AKAP1: variants seen among roughly 807,000 people sequenced by gnomAD.
AKAP1 encodes A-kinase anchor protein 1, mitochondrial.
AKAP1 carries 32 observed loss-of-function variants against 79.8 expected under a neutral mutation model. The observed-to-expected ratio is 0.40, with a 90% CI of 0.30 to 0.54. The LOEUF (loss-of-function observed/expected upper bound fraction) is 0.54. Among genes scored for constraint, AKAP1 ranks in the 20% least tolerant of loss-of-function variants. The probability of loss-of-function intolerance (pLI) is 0.47; values close to 1 mark genes in which losing one functional copy is unlikely to be tolerated. For synonymous variants in AKAP1, 416 were observed against 466.7 expected (o/e 0.89, Z 1.40); for missense variants, 961 against 1,138.9 (o/e 0.84, Z 2.25).
At chr17:57,118,314 G>A in intron 8 of AKAP1, 67 bp from the exon 9 acceptor site, 1 of 1,456,716 alleles carries the variant, frequency 6.9e-7, no homozygotes, top group Admixed American at 1.7e-5. Flanking sequence ...CCTGAAACTT[G>A]TGTACATGAC....
chr17:57,117,027 CA>C, intron 8 of AKAP1, 100 bp downstream of exon 8: 1 of 1,234,890 alleles, frequency 8.1e-7, no homozygotes, highest in Non-Finnish European at 1.2e-6. Context: ...TTTATGCTAA[CA>C]TAAGTTGCTA....
rs748672089 is a variant in AKAP1, at chr17:57,105,621, G to A, written c.157G>A (p.Ala53Thr). The change falls in exon 2 of 11, where the codon GCC (alanine) becomes ACC (threonine). Residue 53 changes from alanine (A) to threonine (T), a missense_variant. This residue lies in a region of AKAP1 where 108 missense variants were observed against 147.6 expected (regional missense o/e 0.73). Transcript: ENST00000337714. ...AGAVQLRADP[A>T]IKEPLPVEDV... ...TGCTGTGCAGCTGAGGGCTGACCCTGCCATCAAGGAACCTCTCCCCGTGGA... is the reference window on the plus strand; with the variant it reads ...TGCTGTGCAGCTGAGGGCTGACCCTACCATCAAGGAACCTCTCCCCGTGGA... The A allele has an allele frequency of 2.5e-6, 4 of 1,613,998 alleles. No homozygotes were observed. The highest frequency in any genetic ancestry group is 3.4e-6 in the Non-Finnish European group (4 of 1,180,022).
intron 1 of AKAP1, among the ~76,000 whole-genome samples, chr17:57,101,953 G>A (rs185482550): frequency 2.6e-5 from 4 of 152,080 alleles, no homozygotes; most frequent in Admixed American, 6.6e-5. Flanking sequence ...TTTCCATGTC[G>A]GCACATGAGA....
chr17:57,115,612 C>CTA (rs1451650023), intron 6 of AKAP1, among the ~76,000 whole-genome samples: 2 of 152,176 alleles, frequency 1.3e-5, no homozygotes, highest in Non-Finnish European at 2.9e-5. Context: ...GAGGCAAAGG[C>CTA]TAGAAGAAGG....
intron 1 of AKAP1, chr17:57,094,486 C>A (rs1284295793): frequency 6.6e-6 from 1 of 152,084 alleles, no homozygotes; most frequent in African/African-American, 2.4e-5. Context: ...GACAACTAGG[C>A]CTGTGGAGCC....
Position 57,086,270 on chromosome 17 carries a change from T to C in AKAP1, c.-25+872T>C, listed in dbSNP as rs1386065466. Reference sequence around the variant, plus strand: ...GGAGGGACCGCGCCAGTTTTGGGGTTACGATGTGCTAGGAGAGGCAGTGGC... The same window carrying C: ...GGAGGGACCGCGCCAGTTTTGGGGTCACGATGTGCTAGGAGAGGCAGTGGC... On this transcript the variant is annotated intron_variant, in intron 1 of 10. Transcript: ENST00000337714. This position sits in a 1 kb window ranked among gnomAD's most constrained non-coding sequence, Gnocchi z 5.1. 7 of 357,138 alleles carry C rather than the reference T, an allele frequency of 2.0e-5. No individual in the cohort carries two copies. The highest frequency in any genetic ancestry group is 3.9e-5 in the Non-Finnish European group (7 of 180,052). 22.1% of individuals were successfully genotyped at this position (357,138 alleles called of 1,614,324 possible).
chr17:57,120,312 C>A lies in AKAP1; in HGVS notation c.2700C>A (p.Tyr900Ter). ...TTGCCCAGTGGGTAGACAGCTACTA[C>A]ACAAGCCTTTGACCCCCATGCTGCT... ...RGLAQWVDSYYTSL is the reference protein window; with the variant it reads ...RGLAQWVDSY Residue 900 changes from tyrosine (Y) to a stop codon, truncating the protein, a stop_gained, in exon 11 of 11, where the codon TAC becomes TAA. Coordinates refer to ENST00000337714, the MANE Select transcript of AKAP1 (RefSeq NM_003488.4). LOFTEE classifies it high-confidence loss of function. 1.2e-6 allele frequency: 2 copies of A among 1,613,838 alleles called. No individual in the cohort carries two copies. The highest frequency in any genetic ancestry group is 1.7e-6 in the Non-Finnish European group (2 of 1,179,912).
chr17:57,106,458 G>T lies in AKAP1; in HGVS notation c.994G>T (p.Asp332Tyr), dbSNP rs772958156. The T allele has an allele frequency of 1.9e-6, 3 of 1,608,808 alleles. No homozygotes were observed. Among genetic ancestry groups the T allele is most frequent in the Non-Finnish European group, 2.6e-6 (3 of 1,175,786 alleles). Reference sequence around the variant, plus strand: ...CTTGGATAGAAATGAGGAGAGCTTGGATAGAAATGAGGAGGGCTTGGATAG... The same window carrying T: ...CTTGGATAGAAATGAGGAGAGCTTGTATAGAAATGAGGAGGGCTTGGATAG... ...EGLDRNEESL[D>Y]RNEEGLDRNE... The change falls in exon 2 of 11, where the codon GAT becomes TAT. Residue 332 changes from aspartate to tyrosine, a missense_variant. Asp to Tyr is a radical substitution (Grantham distance 160). This residue lies in a region of AKAP1 where 629 missense variants were observed against 781.1 expected (regional missense o/e 0.81). Coordinates refer to ENST00000337714, the MANE Select transcript of AKAP1 (RefSeq NM_003488.4).
intron 1 of AKAP1, among the ~76,000 whole-genome samples, chr17:57,098,105 G>A (rs949247631): frequency 3.3e-5 from 5 of 152,322 alleles, no homozygotes; most frequent in Admixed American, 2.6e-4. Context: ...GTACCTCCCT[G>A]GAGAAAGAAG....
Position 57,106,746 on chromosome 17 carries a change from G to T in AKAP1, c.1282G>T (p.Gly428Cys). ...GLPLPGLPAEGSPPPKTYVSC... is the reference protein window; with the variant it reads ...GLPLPGLPAECSPPPKTYVSC... ...CCCCTTGCCAGGCCTACCAGCAGAG[G>T]GCTCACCACCACCAAAGACCTACGT... Residue 428 changes from glycine (G) to cysteine (C), a missense_variant, in exon 2 of 11, where the codon GGC (glycine) becomes TGC (cysteine). Around this residue, in one of 3 missense-constraint regions of AKAP1, gnomAD observed 629 missense variants for 781.1 expected, o/e 0.81. Transcript: ENST00000337714. 6.2e-7 allele frequency: 1 copy of T among 1,613,896 alleles called. No individual in the cohort carries two copies. The highest frequency in any genetic ancestry group is 8.5e-7 in the Non-Finnish European group (1 of 1,180,032).
chr17:57,112,931 A>G (rs1030151014), intron 5 of AKAP1, among the ~76,000 whole-genome samples: 1 of 151,974 alleles, frequency 6.6e-6, no homozygotes, highest in African/African-American at 2.4e-5. Flanking sequence ...TAGTTCGGAC[A>G]GGAGATTGGG....
In AKAP1 at chr17:57,118,936, G is replaced by T. The variant is rs779035799; in HGVS notation, c.2575-46G>T. On this transcript the variant is annotated intron_variant, in intron 9 of 10. Coordinates refer to ENST00000337714, the MANE Select transcript of AKAP1 (RefSeq NM_003488.4). ...ACAATTCAAGATGATATTTGAGTGGGGACACAAAACCTAACCATATTATTC... is the reference window on the plus strand; with the variant it reads ...ACAATTCAAGATGATATTTGAGTGGTGACACAAAACCTAACCATATTATTC... 3 of 1,581,680 alleles carry T rather than the reference G, an allele frequency of 1.9e-6. No individual in the cohort carries two copies. In the Admixed American group the frequency reaches 5.0e-5, roughly 26 times the overall value.
At position 57,106,608 on chromosome 17, in the gene AKAP1, C is replaced by A; in HGVS notation, c.1144C>A (p.Gln382Lys). Residue 382 changes from glutamine (Q) to lysine (K), a missense_variant, in exon 2 of 11, where the codon CAA (glutamine) becomes AAA (lysine). By Grantham distance (53) the Gln-to-Lys change is moderately conservative. Transcript: ENST00000337714. ...AGRVCQASQL[Q>K]GQKEESCVPV... ...TCGTGTGTGTCAGGCCAGTCAGCTC[C>A]AAGGGCAGAAGGAAGAGAGCTGTGT... The A allele has an allele frequency of 6.2e-7, 1 of 1,614,202 alleles. No homozygotes were observed. Among genetic ancestry groups the A allele is most frequent in the South Asian group, 1.1e-5 (1 of 91,084 alleles).
rs539689754 is a variant in AKAP1 at position 57,086,124 on chromosome 17, C to T, written c.-25+726C>T. 19 of 287,108 alleles carry T rather than the reference C, an allele frequency of 6.6e-5. No individual in the cohort carries two copies. The highest frequency in any genetic ancestry group is 5.0e-4 in the South Asian group (19 of 38,132). 17.8% of individuals were successfully genotyped at this position (287,108 alleles called of 1,614,324 possible). A position where few individuals can be genotyped will look rare whatever the true frequency, so the allele number is the denominator to read the frequency against. On this transcript the variant is annotated intron_variant, in intron 1 of 10. Coordinates refer to ENST00000337714, the MANE Select transcript of AKAP1 (RefSeq NM_003488.4). This position sits in a 1 kb window ranked among gnomAD's most constrained non-coding sequence, Gnocchi z 5.1. ...GGGGAATTTGCATTCGTAGCCCCTGCAGGCGTGTCCGGAGGGGTGGAGGCC... is the reference window on the plus strand; with the variant it reads ...GGGGAATTTGCATTCGTAGCCCCTGTAGGCGTGTCCGGAGGGGTGGAGGCC...
intron 2 of AKAP1, among the ~76,000 whole-genome samples, chr17:57,107,427 G>A (rs557540678): frequency 6.6e-6 from 1 of 152,324 alleles, no homozygotes; most frequent in African/African-American, 2.4e-5. Flanking sequence ...TCCCCAGTGA[G>A]CCCTTCCCAA....
rs756504216 is a variant in AKAP1, at chr17:57,112,533, A to G, written c.2018A>G (p.Lys673Arg). 5.6e-6 allele frequency: 9 copies of G among 1,614,074 alleles called. No individual in the cohort carries two copies. The highest frequency in any genetic ancestry group is 7.6e-6 in the Non-Finnish European group (9 of 1,180,024). The change falls in exon 5 of 11, where the codon AAG (lysine) becomes AGG (arginine). Residue 673 changes from lysine (K) to arginine (R), a missense_variant. Coordinates refer to ENST00000337714, the MANE Select transcript of AKAP1 (RefSeq NM_003488.4). ...GACAAAGCGCTGAACTTGATTGGGA[A>G]GAAGTTCAAAGAGCTGAACCTCACC... ...HVDKALNLIG[K>R]KFKELNLTNI... is the part of the protein sequence containing the mutation.
At chr17:57,115,780 G>A (rs1597990679) in intron 6 of AKAP1, among the ~76,000 whole-genome samples, 1 of 152,128 alleles carries the variant, frequency 6.6e-6, no homozygotes, top group African/African-American at 2.4e-5. Context: ...TTCCCCGAGT[G>A]CTATATTTAC....
intron 6 of AKAP1, among the ~76,000 whole-genome samples, 176 bp from the exon 7 acceptor site, chr17:57,115,935 G>A (rs768715352): frequency 9.9e-5 from 15 of 152,080 alleles, no homozygotes; most frequent in East Asian, 1.9e-4. Flanking sequence ...TTTTTCCCTC[G>A]GCTGGTCTTG....
chr17:57,101,654 C>T (rs1914522257), intron 1 of AKAP1: 1 of 152,118 alleles, frequency 6.6e-6, no homozygotes, highest in Non-Finnish European at 1.5e-5. Context: ...AATGTGAAGC[C>T]AAGTTGGAGA....
Sources: allele counts gnomAD v4.1 joint callset (sites outside exome capture counted in the v4.1 genomes callset), GRCh38; gene constraint gnomAD v4.1.1; regional missense constraint gnomAD v4.1.1; non-coding constraint Gnocchi (gnomAD v3.1); transcripts MANE v1.5; gene names NCBI Gene and HGNC (gene_info 2026-07-23, HGNC 2026-07-21).